The following USP54 variants were observed in gnomAD, a reference collection of about 807,000 sequenced individuals.
The protein encoded by USP54 is ubiquitin specific peptidase 54, also known as ubiquitin carboxyl-terminal hydrolase 54.
In USP54, 87 loss-of-function variants were observed where a neutral mutation model predicts 170.5. The observed-to-expected ratio is 0.51, with a 90% CI of 0.43 to 0.61. The LOEUF is 0.61. Ranked by LOEUF, USP54 falls within the 20% of genes least tolerant of loss-of-function variation. USP54 has a pLI of 0.00. For missense variants in USP54, 1,786 were observed against 2,047.8 expected, an observed-to-expected ratio of 0.87 and a Z score of 2.47; for synonymous variants, 655 against 742.8, an observed-to-expected ratio of 0.88 and a Z score of 1.92.
At chr10:73,562,331 A>C (rs773412707) in intron 4 of USP54, among the ~76,000 whole-genome samples, 3 of 152,236 alleles carry the variant, frequency 2.0e-5, no homozygotes, top group Non-Finnish European at 4.4e-5. Flanking sequence ...ACCCAATTTA[A>C]GAAATAGAAA....
At chr10:73,536,511 T>C (rs890030343) in intron 10 of USP54, 74 bp from the exon 11 acceptor site, 1 of 1,393,712 alleles carries the variant, frequency 7.2e-7, no homozygotes, top group Non-Finnish European at 9.4e-7. Context: ...CTTTCTGTTC[T>C]GTATTTCTAA....
At chr10:73,528,226 G>A (rs539014593) in intron 15 of USP54, among the ~76,000 whole-genome samples, 18 of 151,284 alleles carry the variant, frequency 1.2e-4, no homozygotes, top group Admixed American at 9.2e-4. Context: ...GAGCCACCGC[G>A]CCTGGCCCAC....
At chr10:73,580,589 T>G (rs1188383516) in intron 1 of USP54, among the ~76,000 whole-genome samples, 1 of 152,172 alleles carries the variant, frequency 6.6e-6, no homozygotes, top group Non-Finnish European at 1.5e-5. Flanking sequence ...TATTTATTTT[T>G]GAGATGGAGT....
chr10:73,539,374 C>G, intron 10 of USP54, 70 bp downstream of exon 10: 1 of 1,350,224 alleles, frequency 7.4e-7, no homozygotes, highest in Non-Finnish European at 9.7e-7. Context: ...AAATGAAACA[C>G]TAAAGACAAA....
At position 73,576,045 on chromosome 10, in the gene USP54, C is replaced by A. The variant is rs181551897; in HGVS notation, c.-265G>T. 72 of 154,552 alleles carry A rather than the reference C, an allele frequency of 4.7e-4. No individual in the cohort carries two copies. The highest frequency in any genetic ancestry group is 2.5e-3 in the Admixed American group (39 of 15,354). 9.6% of individuals were successfully genotyped at this position (154,552 alleles called of 1,614,324 possible). ...ATCAGGGTAAGATGTGTTCTTCAGGCTTGTTGATAATGCTTCTTATGGACT... is the reference window on the plus strand; with the variant it reads ...ATCAGGGTAAGATGTGTTCTTCAGGATTGTTGATAATGCTTCTTATGGACT... On this transcript the variant is annotated 5_prime_UTR_variant, in exon 2 of 24. Coordinates refer to ENST00000687698, the MANE Select transcript of USP54 (RefSeq NM_001391956.1).
chr10:73,575,979 T>C lies in USP54; in HGVS notation c.-199A>G, dbSNP rs1426614711. The stretch of plus-strand genomic sequence containing the variant: ...TTCTTGAACAGCCTCCATAAAGTCC[T>C]GGTGAAGTGGATGTAATTCTCAACT... On this transcript the variant is annotated 5_prime_UTR_variant, in exon 2 of 24. Coordinates refer to ENST00000687698, the MANE Select transcript of USP54 (RefSeq NM_001391956.1). 1 of 172,364 alleles carries C rather than the reference T, an allele frequency of 5.8e-6. No individual in the cohort carries two copies. The highest frequency in any genetic ancestry group is 1.6e-4 in the East Asian group (1 of 6,406). 10.7% of individuals were successfully genotyped at this position (172,364 alleles called of 1,614,324 possible). A position where few individuals can be genotyped will look rare whatever the true frequency, so the allele number is the denominator to read the frequency against.
intron 1 of USP54, among the ~76,000 whole-genome samples, chr10:73,613,363 C>A (rs1331989280): frequency 1.3e-5 from 2 of 151,546 alleles, no homozygotes; most frequent in Admixed American, 6.6e-5. Context: ...AACTCCGGAC[C>A]TCAGGTGATC....
intron 4 of USP54, among the ~76,000 whole-genome samples, chr10:73,562,952 C>T (rs1033922727): frequency 2.0e-5 from 3 of 152,010 alleles, no homozygotes; most frequent in African/African-American, 7.2e-5. Flanking sequence ...TTTGGTAACA[C>T]TCAATTTTTT....
upstream of USP54, among the ~76,000 whole-genome samples, chr10:73,594,563 C>T (rs1275165406): frequency 1.3e-5 from 2 of 151,884 alleles, no homozygotes; most frequent in Non-Finnish European, 2.9e-5. Context: ...TACAACCAGA[C>T]CCAGCTAATT....
chr10:73,524,786 C>A (rs1417261411), intron 16 of USP54, among the ~76,000 whole-genome samples: 1 of 152,124 alleles, frequency 6.6e-6, no homozygotes, highest in African/African-American at 2.4e-5. Flanking sequence ...AACTGAGTCA[C>A]AGGAGGATAA....
chr10:73,505,731 G>A (rs573550375), intron 20 of USP54: 19 of 191,262 alleles, frequency 9.9e-5, no homozygotes, highest in South Asian at 4.7e-4. Context: ...TTAGCCGGGC[G>A]TGGTGGCAGG....
intron 16 of USP54, among the ~76,000 whole-genome samples, chr10:73,524,350 C>T (rs1402347122): frequency 4.0e-5 from 6 of 151,526 alleles, no homozygotes; most frequent in Non-Finnish European, 7.4e-5. Flanking sequence ...GAGGCCAAGG[C>T]GGGAGGATCA....
At chr10:73,523,469 G>T in intron 17 of USP54, 114 bp downstream of exon 17, 1 of 1,302,930 alleles carries the variant, frequency 7.7e-7, no homozygotes, top group Non-Finnish European at 1.0e-6. Context: ...GGTGAATTAA[G>T]ACTTAAAAAA....
chr10:73,524,536 C>T (rs764578896), intron 16 of USP54, among the ~76,000 whole-genome samples: 3 of 151,996 alleles, frequency 2.0e-5, no homozygotes, highest in Non-Finnish European at 2.9e-5. Context: ...GCCAAGATCG[C>T]GCCATTGCAC....
chr10:73,543,943 A>T (rs1330657361), intron 5 of USP54, among the ~76,000 whole-genome samples: 1 of 150,278 alleles, frequency 6.7e-6, no homozygotes, highest in Non-Finnish European at 1.5e-5. Flanking sequence ...CATACCACAT[A>T]ACCTTTTTTT....
intron 9 of USP54, 147 bp downstream of exon 9, chr10:73,541,228 G>A (rs1197594118): frequency 1.2e-5 from 14 of 1,172,416 alleles, no homozygotes; most frequent in East Asian, 2.6e-5. Context: ...CTGCAAGCAC[G>A]GGTATCTGTA....
In USP54 at chr10:73,547,511, C is replaced by CA. The variant is rs781574349; in HGVS notation, c.241-1840dup. Among the ~76,000 whole-genome samples, 8 of 152,324 alleles carry CA rather than the reference C, an allele frequency of 5.3e-5. No individual in the cohort carries two copies. In the East Asian group the frequency reaches 1.3e-3, roughly 26 times the overall value. ...TACAAGACTACAGTAACCAAAACAG[C>CA]ATGGTACTGGTACCAAAACAGAGAT... On this transcript the variant is annotated intron_variant, in intron 4 of 23. Transcript: ENST00000687698.
intron 20 of USP54, among the ~76,000 whole-genome samples, chr10:73,509,089 T>C (rs1428662114): frequency 2.8e-4 from 18 of 64,550 alleles, no homozygotes; most frequent in Middle Eastern, 0.012. Context: ...GGAAAAAACA[T>C]AGGGTATCAT....
chr10:73,603,075 A>G (rs1207689734), intron 1 of USP54, among the ~76,000 whole-genome samples: 2 of 152,094 alleles, frequency 1.3e-5, no homozygotes, highest in Non-Finnish European at 2.9e-5. Context: ...GGACCTTTGC[A>G]GTATTTTTAC....
Sources: gnomAD v4.1 joint callset for allele counts (sites outside exome capture counted in the v4.1 genomes callset) on GRCh38, gnomAD v4.1.1 for gene constraint, MANE v1.5 for transcripts, NCBI Gene and HGNC (gene_info 2026-07-23, HGNC 2026-07-21) for gene names.